Variants in DNAH7 observed in about 807,000 individuals in gnomAD.
The protein encoded by DNAH7 is dynein axonemal heavy chain 7.
DNAH7 carries 397 observed loss-of-function variants against 444.6 expected under a neutral mutation model. The observed-to-expected ratio is 0.89, with a 90% CI of 0.82 to 0.97. The LOEUF (loss-of-function observed/expected upper bound fraction) is 0.97. DNAH7 is among the 50% of genes least tolerant of loss of function. The pLI, the probability that DNAH7 is intolerant of heterozygous loss-of-function variation, is 0.00. For missense variants in DNAH7, 4,902 were observed against 4,800.8 expected (o/e 1.02, Z -0.62); for synonymous variants, 1,636 against 1,624.4 (o/e 1.01, Z -0.17).
At chr2:195,999,828 A>C (rs1693926396) in intron 12 of DNAH7, among the ~76,000 whole-genome samples, 1 of 152,226 alleles carries the variant, frequency 6.6e-6, no homozygotes, top group Admixed American at 6.5e-5. Flanking sequence ...CCAATTACTT[A>C]TAAGATGCTT....
intron 35 of DNAH7, among the ~76,000 whole-genome samples, chr2:195,884,306 G>A (rs139501261): frequency 1.4e-3 from 218 of 152,304 alleles, no homozygotes; most frequent in African/African-American, 4.5e-3. Context: ...TATTTAATGA[G>A]TGCAACTGGT....
chr2:195,877,448 T>G (rs1169858259), intron 36 of DNAH7, among the ~76,000 whole-genome samples: 1 of 152,256 alleles, frequency 6.6e-6, no homozygotes, highest in Non-Finnish European at 1.5e-5. Context: ...ATTAAATGCT[T>G]GCAGCATTCA....
chr2:196,056,322 G>C (rs1697802526), intron 2 of DNAH7, among the ~76,000 whole-genome samples: 1 of 150,860 alleles, frequency 6.6e-6, no homozygotes, highest in Non-Finnish European at 1.5e-5. Context: ...GCATACACCT[G>C]TAATCCCAGC....
intron 53 of DNAH7, 21 bp from the exon 54 acceptor site, chr2:195,806,853 A>G (rs1696738889): frequency 6.3e-7 from 1 of 1,588,104 alleles, no homozygotes; most frequent in Non-Finnish European, 8.6e-7. Flanking sequence ...AGTGTAAATA[A>G]TTCAGTTATT....
intron 53 of DNAH7, 66 bp from the exon 54 acceptor site, chr2:195,806,898 T>C (rs1209525944): frequency 1.6e-6 from 2 of 1,243,776 alleles, no homozygotes. Context: ...TTTTCACTTA[T>C]AAACCAACTT....
intron 54 of DNAH7, among the ~76,000 whole-genome samples, chr2:195,801,699 G>T (rs566231618): frequency 1.3e-5 from 2 of 152,274 alleles, no homozygotes; most frequent in African/African-American, 4.8e-5. Context: ...GTAAAACATT[G>T]CAAATACTTC....
chr2:195,746,084 T>C (rs535555302), intron 63 of DNAH7, among the ~76,000 whole-genome samples: 9 of 152,320 alleles, frequency 5.9e-5, no homozygotes, highest in African/African-American at 1.7e-4. Context: ...GACCCATCAG[T>C]GTGCTGTATT....
intron 47 of DNAH7, among the ~76,000 whole-genome samples, chr2:195,834,975 G>T (rs889899861): frequency 6.6e-6 from 1 of 152,158 alleles, no homozygotes; most frequent in African/African-American, 2.4e-5. Context: ...TCTGTATTTA[G>T]TGTCATATAT....
rs755569416 is a variant in DNAH7, at chr2:195,861,873, C to T, written c.7580G>A (p.Arg2527Gln). ...LEEIEMSEEI[R>Q]DGCIDMCKSF... is the part of the protein sequence containing the mutation. ...TTTACACATGTCGATACAGCCATCT[C>T]GTATTTCCTCTGACATTTCAATTTC... Residue 2527 changes from arginine to glutamine, a missense_variant, in exon 42 of 65, where the codon CGA (arginine) becomes CAA (glutamine). By Grantham distance (43) the Arg-to-Gln change is conservative. Coordinates refer to ENST00000312428, the MANE Select transcript of DNAH7 (RefSeq NM_018897.3). The T allele has an allele frequency of 8.7e-6, 14 of 1,613,808 alleles. No individual in the cohort carries two copies. Among genetic ancestry groups the T allele is most frequent in the South Asian group, 1.1e-5 (1 of 91,084 alleles).
Position 195,972,324 on chromosome 2 carries a change from C to T in DNAH7, c.1976G>A (p.Trp659Ter), listed in dbSNP as rs1227565102. 1.9e-6 allele frequency: 3 copies of T among 1,613,926 alleles called. No homozygotes were observed. The highest frequency in any genetic ancestry group is 2.5e-6 in the Non-Finnish European group (3 of 1,179,962). Reference protein sequence around the residue: ...DMRLNNSVFQWYGRMGEIFEE... With the variant: ...DMRLNNSVFQ ...AAAAATTTCTCCCATCCTTCCATAC[C>T]ACTGGAAAACACTATTATTTAGCCT... Residue 659 changes from tryptophan to a stop codon, truncating the protein, a stop_gained, in exon 16 of 65, where the codon TGG becomes TAG. Coordinates refer to ENST00000312428, the MANE Select transcript of DNAH7 (RefSeq NM_018897.3). LOFTEE classifies it high-confidence loss of function.
At chr2:195,868,423 T>C (rs180872913) in intron 40 of DNAH7, among the ~76,000 whole-genome samples, 1 of 152,072 alleles carries the variant, frequency 6.6e-6, no homozygotes, top group East Asian at 1.9e-4. Flanking sequence ...CTATTGAGTG[T>C]GAAAGGTACT....
intron 5 of DNAH7, among the ~76,000 whole-genome samples, chr2:196,031,086 G>A (rs772180522): frequency 6.6e-6 from 1 of 152,346 alleles, no homozygotes; most frequent in Admixed American, 6.5e-5. Flanking sequence ...TTTTGCCTGG[G>A]CATCCAGGCA....
At chr2:195,892,568 C>T (rs1249813337) in intron 30 of DNAH7, 1 of 151,578 alleles carries the variant, frequency 6.6e-6, no homozygotes, top group Non-Finnish European at 1.5e-5. Flanking sequence ...ACTCTCTCTA[C>T]TACCAAGACA....
At chr2:196,059,471 C>A (rs1698016499) in intron 1 of DNAH7, among the ~76,000 whole-genome samples, 1 of 152,222 alleles carries the variant, frequency 6.6e-6, no homozygotes, top group Admixed American at 6.5e-5. Flanking sequence ...TGTCACAGGA[C>A]ATTATAACAT....
chr2:195,751,998 C>G (rs1392791934), intron 63 of DNAH7, among the ~76,000 whole-genome samples: 2 of 152,120 alleles, frequency 1.3e-5, no homozygotes, highest in African/African-American at 2.4e-5. Context: ...GGGCCAGGTG[C>G]AGTGGCTCAC....
chr2:196,035,416 G>A (rs1342115342), intron 5 of DNAH7, among the ~76,000 whole-genome samples: 1 of 152,118 alleles, frequency 6.6e-6, no homozygotes, highest in Non-Finnish European at 1.5e-5. Context: ...CCACCTCTAA[G>A]GCACTTTGGA....
intron 1 of DNAH7, among the ~76,000 whole-genome samples, chr2:196,065,259 CTTA>C (rs1262948944): frequency 6.6e-6 from 1 of 152,130 alleles, no homozygotes; most frequent in East Asian, 1.9e-4. Context: ...TATTTCTTTA[CTTA>C]TTCAGATTCT....
chr2:196,006,164 A>G (rs1405223818), intron 10 of DNAH7, among the ~76,000 whole-genome samples: 1 of 152,074 alleles, frequency 6.6e-6, no homozygotes, highest in Non-Finnish European at 1.5e-5. Context: ...AATGAACAAA[A>G]TTAGCTGGGC....
At chr2:196,017,818 T>C (rs984869639) in intron 9 of DNAH7, among the ~76,000 whole-genome samples, 1 of 151,992 alleles carries the variant, frequency 6.6e-6, no homozygotes, top group African/African-American at 2.4e-5. Flanking sequence ...GTCAAAAAAC[T>C]AAAATGTTAA....
Sources: gnomAD v4.1 joint callset for allele counts (sites outside exome capture counted in the v4.1 genomes callset) on GRCh38, gnomAD v4.1.1 for gene constraint, MANE v1.5 for transcripts, NCBI Gene and HGNC (gene_info 2026-07-23, HGNC 2026-07-21) for gene names.